The following ITGA1 variants were observed in gnomAD, a reference collection of about 807,000 sequenced individuals.
The protein encoded by ITGA1 is integrin alpha-1.
A neutral mutation model predicts 145.9 loss-of-function variants in ITGA1; 85 were observed. The observed-to-expected ratio is 0.58, with a 90% CI of 0.49 to 0.70. The LOEUF (loss-of-function observed/expected upper bound fraction) is 0.70, where lower values mean the gene tolerates loss of function less well. Ranked by LOEUF, ITGA1 falls within the 30% of genes least tolerant of loss-of-function variation. The probability of loss-of-function intolerance (pLI) is 0.00; values close to 1 mark genes in which losing one functional copy is unlikely to be tolerated. For missense variants in ITGA1, 1,351 were observed against 1,418.7 expected (o/e 0.95, Z 0.77); for synonymous variants, 520 against 495.3 (o/e 1.05, Z -0.66).
chr5:52,841,126 T>C (rs997525414), intron 1 of ITGA1, among the ~76,000 whole-genome samples: 1 of 152,220 alleles, frequency 6.6e-6, no homozygotes, highest in African/African-American at 2.4e-5. Context: ...TCTAAACTTG[T>C]TGATGGAGGT....
chr5:52,837,032 T>C (rs1455665602), intron 1 of ITGA1, among the ~76,000 whole-genome samples: 1 of 152,206 alleles, frequency 6.6e-6, no homozygotes, highest in Non-Finnish European at 1.5e-5. Flanking sequence ...TTTTCTGTAA[T>C]TGTTTATTTT....
At chr5:52,820,609 T>A (rs182823020) in intron 1 of ITGA1, among the ~76,000 whole-genome samples, 1 of 152,074 alleles carries the variant, frequency 6.6e-6, no homozygotes, top group Non-Finnish European at 1.5e-5. Context: ...GTTCTGATCC[T>A]TGTTCATTGA....
chr5:52,915,419 A>G, intron 14 of ITGA1, 45 bp from the exon 15 acceptor site: 1 of 1,588,758 alleles, frequency 6.3e-7, no homozygotes, highest in Non-Finnish European at 8.6e-7. Context: ...AACTGTTTTG[A>G]ACAGACTCTT....
At chr5:52,890,229 A>G (rs1394720782) in intron 8 of ITGA1, among the ~76,000 whole-genome samples, 1 of 152,164 alleles carries the variant, frequency 6.6e-6, no homozygotes, top group African/African-American at 2.4e-5. Context: ...CTACTTTTCA[A>G]AATAATATTT....
At chr5:52,874,977 T>A (rs1561233925) in intron 6 of ITGA1, among the ~76,000 whole-genome samples, 1 of 152,296 alleles carries the variant, frequency 6.6e-6, no homozygotes, top group South Asian at 2.1e-4. Flanking sequence ...GAATAAAATA[T>A]ACCAGGTCTT....
chr5:52,863,841 G>A (rs999401167), intron 3 of ITGA1: 3 of 152,166 alleles, frequency 2.0e-5, no homozygotes, highest in Non-Finnish European at 4.4e-5. Context: ...GATTATACAA[G>A]ATCAATGCAT....
intron 1 of ITGA1, among the ~76,000 whole-genome samples, chr5:52,815,251 G>A (rs1748746883): frequency 6.6e-6 from 1 of 152,136 alleles, no homozygotes; most frequent in Admixed American, 6.5e-5. Context: ...GTGAGCCAAA[G>A]TTAAAAATAT....
intron 1 of ITGA1, among the ~76,000 whole-genome samples, chr5:52,810,362 A>G (rs1162039395): frequency 1.3e-5 from 2 of 152,208 alleles, no homozygotes; most frequent in Non-Finnish European, 2.9e-5. Flanking sequence ...CTATTTTTAT[A>G]TTCAACATTT....
At chr5:52,846,523 A>G (rs1023231598) in intron 1 of ITGA1, among the ~76,000 whole-genome samples, 6 of 152,370 alleles carry the variant, frequency 3.9e-5, no homozygotes, top group South Asian at 2.1e-4. Context: ...GTTTGTCATT[A>G]ACCGAAACAT....
At chr5:52,813,360 T>C (rs965194319) in intron 1 of ITGA1, among the ~76,000 whole-genome samples, 2 of 152,206 alleles carry the variant, frequency 1.3e-5, no homozygotes, top group Admixed American at 1.3e-4. Context: ...ATGATTTGAA[T>C]CTCCTTAACT....
chr5:52,911,459 GTGTATCTAGTATA>G (rs1231519916), intron 14 of ITGA1, among the ~76,000 whole-genome samples: 2 of 129,110 alleles, frequency 1.5e-5, no homozygotes, highest in African/African-American at 2.8e-5. Flanking sequence ...ACTATATATA[GTGTATCTAGTATA>G]TAGATACACT....
At chr5:52,793,584 A>G (rs1198582307) in intron 1 of ITGA1, among the ~76,000 whole-genome samples, 1 of 152,050 alleles carries the variant, frequency 6.6e-6, no homozygotes, top group African/African-American at 2.4e-5. Flanking sequence ...TATACAGTGT[A>G]TGGTACTTTT....
rs1268473646 is a variant in ITGA1, at chr5:52,939,823, T to C, written c.3181-17T>C. The C allele has an allele frequency of 2.9e-5, 45 of 1,530,948 alleles. No homozygotes were observed. The Admixed American group carries it at 7.5e-4, about 26-fold the overall frequency. 94.8% of individuals were successfully genotyped at this position (1,530,948 alleles called of 1,614,324 possible). ...AACGGCAAGAATACTGATATGTATCTCTGGACATTTAAACAGGACTGCAAT... is the reference window on the plus strand; with the variant it reads ...AACGGCAAGAATACTGATATGTATCCCTGGACATTTAAACAGGACTGCAAT... On this transcript the variant is annotated splice_polypyrimidine_tract_variant and intron_variant, in intron 25 of 28. Transcript: ENST00000282588.
intron 28 of ITGA1, among the ~76,000 whole-genome samples, chr5:52,949,269 CA>C (rs1751182664): frequency 6.6e-6 from 1 of 152,154 alleles, no homozygotes; most frequent in Non-Finnish European, 1.5e-5. Context: ...ATACTCATAT[CA>C]ACCTTATGAG....
chr5:52,915,402 T>G (rs1482441332), intron 14 of ITGA1, 62 bp from the exon 15 acceptor site: 2 of 1,511,868 alleles, frequency 1.3e-6, no homozygotes, highest in Non-Finnish European at 1.8e-6. Flanking sequence ...TTCTCAGATT[T>G]ATTTGAAACT....
At chr5:52,916,004 ACT>A (rs1162456207) in intron 15 of ITGA1, among the ~76,000 whole-genome samples, 2 of 152,010 alleles carry the variant, frequency 1.3e-5, no homozygotes, top group South Asian at 2.1e-4. Flanking sequence ...GCACTCTCTG[ACT>A]CTGTTTATAT....
chr5:52,898,944 G>A (rs1750273534), intron 11 of ITGA1, among the ~76,000 whole-genome samples: 4 of 152,116 alleles, frequency 2.6e-5, no homozygotes, highest in Admixed American at 2.0e-4. Flanking sequence ...CCAGAAATGA[G>A]GAGTTGTATG....
At chr5:52,853,659 T>C (rs1408429334) in intron 2 of ITGA1, among the ~76,000 whole-genome samples, 1 of 152,200 alleles carries the variant, frequency 6.6e-6, no homozygotes, top group Admixed American at 6.5e-5. Context: ...CTCTTTACTG[T>C]TCAGAAGTTT....
intron 1 of ITGA1, among the ~76,000 whole-genome samples, chr5:52,798,273 A>G (rs534249851): frequency 5.3e-5 from 8 of 152,208 alleles, no homozygotes; most frequent in Non-Finnish European, 8.8e-5. Flanking sequence ...GGTGGGAAGA[A>G]GGAGGAAGTA....
Sources: allele counts gnomAD v4.1 joint callset (sites outside exome capture counted in the v4.1 genomes callset), GRCh38; gene constraint gnomAD v4.1.1; transcripts MANE v1.5; gene names NCBI Gene and HGNC (gene_info 2026-07-23, HGNC 2026-07-21).